ABCC8: variants seen among roughly 807,000 people sequenced by gnomAD.
ABCC8 encodes ATP-binding cassette sub-family C member 8.
In ABCC8, 137 loss-of-function variants were observed where a neutral mutation model predicts 188.0. The ratio of observed to expected loss-of-function variants is 0.73; its 90% confidence interval spans 0.63 to 0.84. ABCC8 has a LOEUF of 0.84. Ranked by LOEUF, ABCC8 falls within the 40% of genes least tolerant of loss-of-function variation. The pLI, the probability that ABCC8 is intolerant of heterozygous loss-of-function variation, is 0.00. For synonymous variants in ABCC8, 797 were observed against 846.5 expected, an observed-to-expected ratio of 0.94 and a Z score of 1.01; for missense variants, 1,750 against 2,072.7, an observed-to-expected ratio of 0.84 and a Z score of 3.02.
intron 30 of ABCC8, 107 bp downstream of exon 30, chr11:17,398,232 C>T: frequency 7.0e-7 from 1 of 1,433,774 alleles, no homozygotes; most frequent in Non-Finnish European, 9.7e-7. Context: ...GCTTGGTGTC[C>T]ACACGATCTG....
intron 3 of ABCC8, among the ~76,000 whole-genome samples, chr11:17,468,297 A>G (rs1848281871): frequency 6.6e-6 from 1 of 152,236 alleles, no homozygotes. Flanking sequence ...AGAGTGTGCC[A>G]GACTCCAAAT....
chr11:17,430,964 G>A lies in ABCC8; in HGVS notation c.1672-5C>T, dbSNP rs1196740833. On this transcript the variant is annotated splice_region_variant and splice_polypyrimidine_tract_variant and intron_variant, in intron 11 of 38. Coordinates refer to ENST00000389817, the MANE Select transcript of ABCC8 (RefSeq NM_000352.6). ...GCTGACGTGGCCCACGAAAGTCTGT[G>A]GACAGAGGCACAAGTGAGGCCAGGG... 6.2e-7 allele frequency: 1 copy of A among 1,613,936 alleles called. No homozygotes were observed. The highest frequency in any genetic ancestry group is 2.2e-5 in the East Asian group (1 of 44,868).
At chr11:17,417,157 AC>A (rs1955119911) in intron 16 of ABCC8, 195 bp from the exon 17 acceptor site, 1 of 784,494 alleles carries the variant, frequency 1.3e-6, no homozygotes, top group Admixed American at 6.2e-5. Context: ...CTGGATGGGT[AC>A]CCTCCAAATA....
At chr11:17,419,017 G>A (rs1955213380) in intron 16 of ABCC8, among the ~76,000 whole-genome samples, 1 of 152,144 alleles carries the variant, frequency 6.6e-6, no homozygotes, top group Non-Finnish European at 1.5e-5. Flanking sequence ...TTACACATGA[G>A]GATACTGAGA....
chr11:17,474,208 G>A (rs574053895), intron 2 of ABCC8, among the ~76,000 whole-genome samples: 7 of 152,294 alleles, frequency 4.6e-5, no homozygotes, highest in African/African-American at 1.7e-4. Flanking sequence ...CCCAATAAAT[G>A]TTTATGGACT....
chr11:17,403,235 C>T (rs746788538), intron 28 of ABCC8, among the ~76,000 whole-genome samples: 7 of 152,174 alleles, frequency 4.6e-5, no homozygotes, highest in South Asian at 2.1e-4. Flanking sequence ...TGATAGGTTT[C>T]GTCTCGGGGT....
In ABCC8 at chr11:17,406,730, C is replaced by T; in HGVS notation, c.3221G>A (p.Gly1074Asp). Reference protein sequence around the residue: ...AMVFTVLCSLGIVLCLVTSVT... With the variant: ...AMVFTVLCSLDIVLCLVTSVT... ...AGACGTGACGAGGCACAGCACAATG[C>T]CCAGGCTGCAGAGCACCGTGAACAC... Residue 1074 changes from glycine (G) to aspartate (D), a missense_variant, in exon 26 of 39, where the codon GGC (glycine) becomes GAC (aspartate). By Grantham distance (94) the Gly-to-Asp change is moderately conservative (BLOSUM62 -1). Coordinates refer to ENST00000389817, the MANE Select transcript of ABCC8 (RefSeq NM_000352.6). 6.2e-7 allele frequency: 1 copy of T among 1,614,196 alleles called. No homozygotes were observed. Among genetic ancestry groups the T allele is most frequent in the East Asian group, 2.2e-5 (1 of 44,880 alleles).
rs1953698528 is a variant in ABCC8, at chr11:17,392,901, C to A, written c.*90G>T. 4 of 1,466,756 alleles carry A rather than the reference C, an allele frequency of 2.7e-6. No homozygotes were observed. The highest frequency in any genetic ancestry group is 3.8e-6 in the Non-Finnish European group (4 of 1,053,922). 90.9% of individuals were successfully genotyped at this position (1,466,756 alleles called of 1,614,324 possible). On this transcript the variant is annotated 3_prime_UTR_variant, in exon 39 of 39. Transcript: ENST00000389817. ...GGCCTCTAGTAGGAAATAATCAAAT[C>A]TATTTATTTACAAGTGATTTACAGT...
chr11:17,450,140 C>G (rs16914878), intron 7 of ABCC8, among the ~76,000 whole-genome samples: 2,697 of 152,286 alleles, frequency 0.018, 95 homozygotes, highest in African/African-American at 0.063. Flanking sequence ...TGGTTATTCT[C>G]TAACCCATGA....
chr11:17,459,712 C>T (rs1381552916), intron 6 of ABCC8, among the ~76,000 whole-genome samples: 1 of 152,158 alleles, frequency 6.6e-6, no homozygotes, highest in Non-Finnish European at 1.5e-5. Flanking sequence ...GCCATTTAAA[C>T]CTAAACGGCT....
Position 17,413,688 on chromosome 11 carries a change from G to C in ABCC8, c.2391-210C>G, listed in dbSNP as rs1369966944. ...CAGCGTTTGGGCAGGTTAAATACTAGAAGGATGGAATTGGTTGGGAACAAA... is the reference window on the plus strand; with the variant it reads ...CAGCGTTTGGGCAGGTTAAATACTACAAGGATGGAATTGGTTGGGAACAAA... On this transcript the variant is annotated intron_variant, in intron 19 of 38. Coordinates refer to ENST00000389817, the MANE Select transcript of ABCC8 (RefSeq NM_000352.6). 6.4e-6 allele frequency: 6 copies of C among 941,288 alleles called. 1 individual carries two copies. Among genetic ancestry groups the C allele is most frequent in the Admixed American group, 4.6e-5 (2 of 43,274 alleles). 58.3% of individuals were successfully genotyped at this position (941,288 alleles called of 1,614,324 possible).
intron 1 of ABCC8, among the ~76,000 whole-genome samples, chr11:17,476,157 T>C (rs1405605288): frequency 6.6e-6 from 1 of 152,026 alleles, no homozygotes; most frequent in Non-Finnish European, 1.5e-5. Context: ...GGTGAAAGCA[T>C]AGGGGTTAGC....
At position 17,397,040 on chromosome 11, in the gene ABCC8, G is replaced by A. The variant is rs552324811; in HGVS notation, c.3995C>T (p.Ser1332Leu). 4 of 1,614,168 alleles carry A rather than the reference G, an allele frequency of 2.5e-6. No individual in the cohort carries two copies. The highest frequency in any genetic ancestry group is 1.6e-4 in the Middle Eastern group (1 of 6,062). Residue 1332 changes from serine (S) to leucine (L), a missense_variant, in exon 33 of 39, where the codon TCG (serine) becomes TTG (leucine). Transcript: ENST00000389817. ...AESYEGLLAP[S>L]LIPKNWPDQG... ...GTCTGGCCAGTTCTTTGGGATCAGC[G>A]ATGGTGCTGGGGGCCGGGCTGGGCT...
intron 23 of ABCC8, chr11:17,408,094 C>A: frequency 3.2e-6 from 1 of 310,382 alleles, no homozygotes; most frequent in Non-Finnish European, 6.0e-6. Context: ...TCCTTAATTC[C>A]CTCTTGTTTT....
chr11:17,461,604 G>A lies in ABCC8; in HGVS notation c.801C>T (p.Cys267=), dbSNP rs749156441. 8.1e-6 allele frequency: 13 copies of A among 1,614,128 alleles called. No individual in the cohort carries two copies. The highest frequency in any genetic ancestry group is 3.3e-5 in the South Asian group (3 of 91,094). The part of the protein sequence containing the change: ...MRALTNYQRL[C]EAFDAQVRKD... ...TGACCACCTGGGCGTCAAAGGCCTC[G>A]CAGAGCCGTTGGTAGTTGGTGAGGG... Residue 267 remains cysteine, a synonymous_variant, in exon 5 of 39, where the codon TGC becomes TGT. Transcript: ENST00000389817.
intron 10 of ABCC8, 143 bp downstream of exon 10, chr11:17,442,577 G>A (rs1956357447): frequency 2.4e-6 from 2 of 817,430 alleles, no homozygotes; most frequent in Admixed American, 1.9e-5. Context: ...AGCTATCAGA[G>A]CCAGTTTGAG....
intron 26 of ABCC8, among the ~76,000 whole-genome samples, chr11:17,406,067 G>T (rs533254648): frequency 6.6e-4 from 101 of 152,378 alleles, no homozygotes; most frequent in African/African-American, 2.4e-3. Flanking sequence ...AGATTGTGAG[G>T]TCTAGCCTCG....
intron 1 of ABCC8, 33 bp from the exon 2 acceptor site, chr11:17,475,060 T>C: frequency 6.2e-7 from 1 of 1,613,534 alleles, no homozygotes; most frequent in Non-Finnish European, 8.5e-7. Flanking sequence ...GCAGGATGCC[T>C]GCCCACTTGG....
In ABCC8 at chr11:17,406,645, G is replaced by A; in HGVS notation, c.3306C>T (p.Asn1102=). Residue 1102 remains asparagine, a synonymous_variant, in exon 26 of 39, where the codon AAC becomes AAT. Coordinates refer to ENST00000389817, the MANE Select transcript of ABCC8 (RefSeq NM_000352.6). ...ACCTCATGGGGGCTAGGATGATCCG[G>A]TTTAGCAGGCTGCGGTGCAGTCTCT... ...VAKRLHRSLL[N]RIILAPMRFF... 6.2e-7 allele frequency: 1 copy of A among 1,614,206 alleles called. No individual in the cohort carries two copies. The highest frequency in any genetic ancestry group is 8.5e-7 in the Non-Finnish European group (1 of 1,180,026).
Sources: gnomAD v4.1 joint callset for allele counts (sites outside exome capture counted in the v4.1 genomes callset) on GRCh38, gnomAD v4.1.1 for gene constraint, MANE v1.5 for transcripts, NCBI Gene and HGNC (gene_info 2026-07-23, HGNC 2026-07-21) for gene names.